HMG20A: variants seen among roughly 807,000 people sequenced by gnomAD.
HMG20A encodes high mobility group protein 20A.
A neutral mutation model predicts 43.9 loss-of-function variants in HMG20A; 17 were observed. The observed-to-expected ratio is 0.39, with a 90% CI of 0.27 to 0.58. The LOEUF (loss-of-function observed/expected upper bound fraction) is 0.58, where lower values mean the gene tolerates loss of function less well. Ranked by LOEUF, HMG20A falls within the 20% of genes least tolerant of loss-of-function variation. The pLI, the probability that HMG20A is intolerant of heterozygous loss-of-function variation, is 0.59. For missense variants in HMG20A, 341 were observed against 438.2 expected, an observed-to-expected ratio of 0.78 and a Z score of 1.98; for synonymous variants, 132 against 147.5, an observed-to-expected ratio of 0.89 and a Z score of 0.76.
At chr15:77,439,964 AT>A (rs752843494) in intron 1 of HMG20A, among the ~76,000 whole-genome samples, 2 of 151,870 alleles carry the variant, frequency 1.3e-5, no homozygotes, top group Non-Finnish European at 2.9e-5. Context: ...GCTATTGATC[AT>A]TTGGATAGTC....
At chr15:77,438,514 G>A (rs74026912) in intron 1 of HMG20A, among the ~76,000 whole-genome samples, 33,512 of 151,976 alleles carry the variant, frequency 0.22, 4,137 homozygotes, top group Middle Eastern at 0.3. Context: ...GTGTTTTATA[G>A]GTTATACACA....
At chr15:77,519,761 A>T in the HMG20A span, among the ~76,000 whole-genome samples, 1 of 152,212 alleles carries the variant, frequency 6.6e-6, no homozygotes, top group Non-Finnish European at 1.5e-5. Flanking sequence ...GCAGGAAAGG[A>T]CTGACAGGTC....
At chr15:77,491,582 A>G in the HMG20A span, among the ~76,000 whole-genome samples, 1 of 152,166 alleles carries the variant, frequency 6.6e-6, no homozygotes, top group South Asian at 2.1e-4. Flanking sequence ...GAAGCCCACA[A>G]TGTAACAAAA....
rs74025202 is a variant in HMG20A, at chr15:77,421,820, A to C, written c.-5+816A>C. On this transcript the variant is annotated intron_variant, in intron 1 of 9. Coordinates refer to ENST00000336216, the MANE Select transcript of HMG20A (RefSeq NM_001304504.2). ...AGCTTCTTCAGCCTTAAAAATTCTT[A>C]TGTGTAGCTTACACGTAACATTTTT... Among the ~76,000 whole-genome samples the C allele has an allele frequency of 3.3e-3, 505 of 152,304 alleles. 3 individuals are homozygous for C. The highest frequency in any genetic ancestry group is 0.012 in the African/African-American group (479 of 41,566).
chr15:77,519,995 T>C, the HMG20A span, among the ~76,000 whole-genome samples: 3 of 151,996 alleles, frequency 2.0e-5, no homozygotes, highest in Non-Finnish European at 2.9e-5. Context: ...GGTCAGGAGA[T>C]TGAGATCATC....
intron 1 of HMG20A, among the ~76,000 whole-genome samples, chr15:77,440,886 G>A (rs1310970880): frequency 1.3e-5 from 2 of 152,082 alleles, no homozygotes; most frequent in Non-Finnish European, 2.9e-5. Flanking sequence ...ACCCCTCTGT[G>A]GATCAGTTTG....
chr15:77,478,006 T>G (rs1203742905), intron 7 of HMG20A: 7 of 506,868 alleles, frequency 1.4e-5, no homozygotes, highest in African/African-American at 1.3e-4. Context: ...GGCTTCTGAT[T>G]GTACAATTTA....
intron 7 of HMG20A, 200 bp from the exon 8 acceptor site, chr15:77,478,095 C>G (rs2072872562): frequency 3.4e-6 from 2 of 594,868 alleles, no homozygotes; most frequent in Non-Finnish European, 6.0e-6. Context: ...ATGTGACTAG[C>G]TTTAAGAATT....
chr15:77,501,355 G>C, the HMG20A span, among the ~76,000 whole-genome samples: 1 of 152,160 alleles, frequency 6.6e-6, no homozygotes, highest in Non-Finnish European at 1.5e-5. Flanking sequence ...CTCATTACCA[G>C]AACACTCTCT....
At chr15:77,439,464 T>C (rs2073587360) in intron 1 of HMG20A, among the ~76,000 whole-genome samples, 1 of 152,226 alleles carries the variant, frequency 6.6e-6, no homozygotes. Context: ...TTACTTGTTA[T>C]TGAGCTTCAT....
the HMG20A span, among the ~76,000 whole-genome samples, chr15:77,519,616 T>C: frequency 6.6e-6 from 1 of 152,224 alleles, no homozygotes; most frequent in Non-Finnish European, 1.5e-5. Context: ...ACGCCATCTA[T>C]GGAGCAGAAG....
At chr15:77,449,803 T>C (rs186867007) in intron 1 of HMG20A, among the ~76,000 whole-genome samples, 1 of 152,326 alleles carries the variant, frequency 6.6e-6, no homozygotes, top group African/African-American at 2.4e-5. Context: ...TGAACCTATA[T>C]TGACACATAA....
the HMG20A span, among the ~76,000 whole-genome samples, chr15:77,497,838 ATTTTTTT>A: frequency 5.6e-5 from 8 of 142,606 alleles, no homozygotes; most frequent in Admixed American, 2.1e-4. Flanking sequence ...AAGATTTTTA[ATTTTTTT>A]TTTTTTTTTT....
chr15:77,422,350 G>C (rs1193526040), intron 1 of HMG20A, among the ~76,000 whole-genome samples: 2 of 152,152 alleles, frequency 1.3e-5, no homozygotes, highest in African/African-American at 4.8e-5. Context: ...AAAGCTGTTT[G>C]GTCACGCCTG....
At chr15:77,422,273 T>C (rs541876244) in intron 1 of HMG20A, among the ~76,000 whole-genome samples, 3 of 152,200 alleles carry the variant, frequency 2.0e-5, no homozygotes, top group Non-Finnish European at 4.4e-5. Flanking sequence ...GTACTTTTTC[T>C]TTTGGGATTG....
chr15:77,509,065 C>T, the HMG20A span, among the ~76,000 whole-genome samples: 5 of 152,110 alleles, frequency 3.3e-5, no homozygotes, highest in African/African-American at 2.4e-5. Flanking sequence ...GCTTCCCTGC[C>T]TGCTCTTGGA....
At chr15:77,479,148 A>T (rs773407695) in intron 8 of HMG20A, 31 bp from the exon 9 acceptor site, 28 of 1,609,450 alleles carry the variant, frequency 1.7e-5, no homozygotes, top group Non-Finnish European at 2.3e-5. Flanking sequence ...AATAGGGAGG[A>T]TTTTCTTACT....
At position 77,476,486 on chromosome 15, in the gene HMG20A, GAAAAAAAAAAA is replaced by G. The variant is rs148901766; in HGVS notation, c.616-1053_616-1043del. On this transcript the variant is annotated intron_variant, in intron 6 of 9. Transcript: ENST00000336216. ...GGCAACAGAGAGGGACTCCCTCTCA[GAAAAAAAAAAA>G]AAAAAAAAAAAAAAAGCTAGTGGTG... Among the ~76,000 whole-genome samples the G allele has an allele frequency of 7.8e-3, 632 of 81,436 alleles. 6 individuals are homozygous for G. The highest frequency in any genetic ancestry group is 0.037 in the African/African-American group (555 of 14,966). 53.4% of individuals were successfully genotyped at this position (81,436 alleles called of 152,430 possible). A position where few individuals can be genotyped will look rare whatever the true frequency, so the allele number is the denominator to read the frequency against.
rs200199201 is a variant in HMG20A at position 77,452,948 on chromosome 15, TGA to T, written c.-4-5454_-4-5453del. 5.2e-3 allele frequency among the ~76,000 whole-genome samples: 785 copies of T among 152,310 alleles called. 4 individuals are homozygous for T. Among genetic ancestry groups the T allele is most frequent in the African/African-American group, 0.016 (679 of 41,572 alleles). Reference sequence around the variant, plus strand: ...AATTTTAAAAATGAGCAAAGGAGGCTGAGTGTGGTGGCTCACGCCTATAATCT... The same window carrying T: ...AATTTTAAAAATGAGCAAAGGAGGCTGTGTGGTGGCTCACGCCTATAATCT... On this transcript the variant is annotated intron_variant, in intron 1 of 9. Coordinates refer to ENST00000336216, the MANE Select transcript of HMG20A (RefSeq NM_001304504.2).
Sources: allele counts gnomAD v4.1 joint callset (sites outside exome capture counted in the v4.1 genomes callset), GRCh38; gene constraint gnomAD v4.1.1; transcripts MANE v1.5; gene names NCBI Gene and HGNC (gene_info 2026-07-23, HGNC 2026-07-21).